TJP3: variants seen among roughly 807,000 people sequenced by gnomAD.
TJP3 encodes tight junction protein ZO-3.
Under a neutral mutation model 104.2 loss-of-function variants are expected in TJP3, and 85 were observed. The ratio of observed to expected loss-of-function variants is 0.82; its 90% confidence interval spans 0.68 to 0.98. TJP3 has a LOEUF of 0.98. TJP3 is among the 50% of genes least tolerant of loss of function. The probability of loss-of-function intolerance (pLI) is 0.00; values close to 1 mark genes in which losing one functional copy is unlikely to be tolerated. For missense variants in TJP3, 1,367 were observed against 1,322.8 expected (o/e 1.03, Z -0.52); for synonymous variants, 550 against 550.6 (o/e 1.00, Z 0.02).
chr19:3,727,147 T>C (rs909828021), intron 1 of TJP3, among the ~76,000 whole-genome samples: 1 of 151,368 alleles, frequency 6.6e-6, no homozygotes, highest in East Asian at 2.0e-4. Context: ...ATCTGTAACA[T>C]GGGGATAATT....
At position 3,730,289 on chromosome 19, in the gene TJP3, G is replaced by A. The variant is rs2036651744; in HGVS notation, c.262-66G>A. 6.0e-6 allele frequency: 9 copies of A among 1,495,736 alleles called. No homozygotes were observed. In the South Asian group the frequency reaches 1.2e-4, roughly 19 times the overall value. The allele number at this position is 1,495,736 out of a possible 1,614,324, so 92.7% of individuals were successfully genotyped here. On this transcript the variant is annotated intron_variant, in intron 4 of 20. Coordinates refer to ENST00000541714, the MANE Select transcript of TJP3 (RefSeq NM_001267560.2). The surrounding 1 kb of genome is among the most constrained non-coding windows in gnomAD (Gnocchi z 7.3). ...GACTGGTGTCCCCCAGGGCCACCCGGGGGCTGAGCAGAGCCTCCCCCAGCC... is the reference window on the plus strand; with the variant it reads ...GACTGGTGTCCCCCAGGGCCACCCGAGGGCTGAGCAGAGCCTCCCCCAGCC...
chr19:3,745,017 G>A (rs896641552), intron 15 of TJP3, among the ~76,000 whole-genome samples: 4 of 151,688 alleles, frequency 2.6e-5, no homozygotes, highest in African/African-American at 9.7e-5. Context: ...AGAGGCCAAG[G>A]TGTGAGGATG....
At chr19:3,710,097 C>T (rs776248619) in intron 1 of TJP3, among the ~76,000 whole-genome samples, 9 of 142,272 alleles carry the variant, frequency 6.3e-5, no homozygotes, top group Admixed American at 3.0e-4. Flanking sequence ...TGCAGTGAGC[C>T]GAGATTGTGC....
chr19:3,744,053 T>C lies in TJP3; in HGVS notation c.1939+19T>C. 6.2e-7 allele frequency: 1 copy of C among 1,610,082 alleles called. No homozygotes were observed. The highest frequency in any genetic ancestry group is 1.3e-5 in the African/African-American group (1 of 74,960). On this transcript the variant is annotated intron_variant, in intron 15 of 20. Coordinates refer to ENST00000541714, the MANE Select transcript of TJP3 (RefSeq NM_001267560.2). Reference sequence around the variant, plus strand: ...ATCGCAGGTGAGAAGCCAGATCCTCTGGAAACCTCGTTGGTGAAATAGTTT... The same window carrying C: ...ATCGCAGGTGAGAAGCCAGATCCTCCGGAAACCTCGTTGGTGAAATAGTTT...
At chr19:3,733,591 A>C (rs1489834727) in intron 6 of TJP3, among the ~76,000 whole-genome samples, 162 bp from the exon 7 acceptor site, 1 of 152,058 alleles carries the variant, frequency 6.6e-6, no homozygotes, top group Non-Finnish European at 1.5e-5. Flanking sequence ...TGTGGTCTCC[A>C]CTCACAGCAG....
intron 19 of TJP3, among the ~76,000 whole-genome samples, chr19:3,749,441 G>C (rs138601992): frequency 0.012 from 1,803 of 152,184 alleles, 16 homozygotes; most frequent in Non-Finnish European, 0.018. Flanking sequence ...CTGAGCTAAA[G>C]GGAGCCTCTC....
chr19:3,713,916 G>A (rs1304616283), intron 1 of TJP3, among the ~76,000 whole-genome samples: 3 of 148,952 alleles, frequency 2.0e-5, no homozygotes, highest in Admixed American at 6.8e-5. Context: ...TAGTAGAGAC[G>A]GAGTTTCACC....
chr19:3,724,767 G>T (rs1347334601), intron 1 of TJP3, among the ~76,000 whole-genome samples: 1 of 152,014 alleles, frequency 6.6e-6, no homozygotes, highest in Non-Finnish European at 1.5e-5. Flanking sequence ...TTGAACTCCT[G>T]GGCTCAAGCA....
chr19:3,750,416 C>A (rs139908396), intron 20 of TJP3, among the ~76,000 whole-genome samples, 166 bp from the exon 21 acceptor site: 1 of 152,204 alleles, frequency 6.6e-6, no homozygotes, highest in African/African-American at 2.4e-5. Flanking sequence ...GCAGCTGGGG[C>A]TTTGAGGGAT....
intron 14 of TJP3, among the ~76,000 whole-genome samples, chr19:3,741,424 C>T (rs72988890): frequency 0.011 from 1,687 of 152,092 alleles, 15 homozygotes; most frequent in Non-Finnish European, 0.019. Context: ...GAGCTATGAT[C>T]GCACCAGCCT....
intron 1 of TJP3, among the ~76,000 whole-genome samples, chr19:3,718,922 G>A (rs190942413): frequency 3.4e-4 from 52 of 152,050 alleles, no homozygotes; most frequent in African/African-American, 9.4e-4. Context: ...GGTGGCTCAC[G>A]CCTGTAATCC....
chr19:3,726,292 C>T lies in TJP3; in HGVS notation c.-9-2132C>T, dbSNP rs1358721537. ...CTGAGTCTGGTGTTCTCATTCATGCCATGGACATGAAAATAACAGAATCTG... is the reference window on the plus strand; with the variant it reads ...CTGAGTCTGGTGTTCTCATTCATGCTATGGACATGAAAATAACAGAATCTG... On this transcript the variant is annotated intron_variant, in intron 1 of 20. Coordinates refer to ENST00000541714, the MANE Select transcript of TJP3 (RefSeq NM_001267560.2). Among the ~76,000 whole-genome samples, 3 of 152,214 alleles carry T rather than the reference C, an allele frequency of 2.0e-5. No homozygotes were observed. The East Asian group carries it at 5.8e-4, about 29-fold the overall frequency.
At position 3,738,024 on chromosome 19, in the gene TJP3, T is replaced by G. The variant is rs554298870; in HGVS notation, c.1285-531T>G. Reference sequence around the variant, plus strand: ...TATATTGCTGTCCATGTCATGACCCTGAGAGCAGGTGGCTGTGTCTGTATA... The same window carrying G: ...TATATTGCTGTCCATGTCATGACCCGGAGAGCAGGTGGCTGTGTCTGTATA... On this transcript the variant is annotated intron_variant, in intron 11 of 20. Coordinates refer to ENST00000541714, the MANE Select transcript of TJP3 (RefSeq NM_001267560.2). 3.8e-4 allele frequency among the ~76,000 whole-genome samples: 58 copies of G among 151,800 alleles called. 1 individual carries two copies. Among genetic ancestry groups the G allele is most frequent in the African/African-American group, 1.2e-3 (51 of 41,262 alleles).
Position 3,746,879 on chromosome 19 carries a change from A to G in TJP3, c.2322+3A>G. On this transcript the variant is annotated splice_donor_region_variant and intron_variant, in intron 18 of 20. Transcript: ENST00000541714. This position sits in a 1 kb window ranked among gnomAD's most constrained non-coding sequence, Gnocchi z 4.1. ...CCATCTGGACGGCGGAAGATCAGGT[A>G]CTGCCGCGGTGTGGGTGGGTCGGGC... The G allele has an allele frequency of 6.3e-7, 1 of 1,582,662 alleles. No individual in the cohort carries two copies. The highest frequency in any genetic ancestry group is 8.6e-7 in the Non-Finnish European group (1 of 1,161,344).
intron 1 of TJP3, among the ~76,000 whole-genome samples, chr19:3,715,787 TA>T (rs1056861310): frequency 6.6e-6 from 1 of 152,182 alleles, no homozygotes; most frequent in African/African-American, 2.4e-5. Context: ...CATTTTATTT[TA>T]TTTTTTTGAG....
At chr19:3,734,262 T>C in intron 7 of TJP3, 65 bp from the exon 8 acceptor site, 1 of 1,529,508 alleles carries the variant, frequency 6.5e-7, no homozygotes, top group Non-Finnish European at 9.0e-7. Context: ...GATATACCCC[T>C]CTGTAAAATG....
In TJP3 at chr19:3,730,747, A is replaced by T; in HGVS notation, c.613+41A>T. 6.5e-7 allele frequency: 1 copy of T among 1,546,588 alleles called. No individual in the cohort carries two copies. The highest frequency in any genetic ancestry group is 8.7e-7 in the Non-Finnish European group (1 of 1,148,920). The stretch of plus-strand genomic sequence containing the variant: ...AGGTCGGACACGATCAGTACTGGAC[A>T]CAGGGCACCGTGGTCGGATGGGCGA... On this transcript the variant is annotated intron_variant, in intron 5 of 20. Coordinates refer to ENST00000541714, the MANE Select transcript of TJP3 (RefSeq NM_001267560.2). This position sits in a 1 kb window ranked among gnomAD's most constrained non-coding sequence, Gnocchi z 7.3.
intron 1 of TJP3, among the ~76,000 whole-genome samples, chr19:3,717,655 C>A (rs2036493869): frequency 6.6e-6 from 1 of 151,690 alleles, no homozygotes; most frequent in African/African-American, 2.4e-5. Flanking sequence ...GGCTGGCCTC[C>A]AACTCCTGAC....
In TJP3 at chr19:3,750,607, A is replaced by T; in HGVS notation, c.2683A>T (p.Lys895Ter). 1 of 1,608,694 alleles carries T rather than the reference A, an allele frequency of 6.2e-7. No homozygotes were observed. The highest frequency in any genetic ancestry group is 8.5e-7 in the Non-Finnish European group (1 of 1,177,586). The change falls in exon 21 of 21, where the codon AAA (lysine) becomes TAA (stop). Residue 895 changes from lysine (K) to a stop codon, truncating the protein, a stop_gained. Coordinates refer to ENST00000541714, the MANE Select transcript of TJP3 (RefSeq NM_001267560.2). LOFTEE classifies it high-confidence loss of function. ...MRTYEREALK[K>*]KFMRVHDAES... ...AACCTATGAACGGGAAGCCCTGAAG[A>T]AAAAGTTTATGCGAGTACATGATGC... is the stretch of plus-strand genomic sequence containing the variant.
Sources: allele counts gnomAD v4.1 joint callset (sites outside exome capture counted in the v4.1 genomes callset), GRCh38; gene constraint gnomAD v4.1.1; non-coding constraint Gnocchi (gnomAD v3.1); transcripts MANE v1.5; gene names NCBI Gene and HGNC (gene_info 2026-07-23, HGNC 2026-07-21).